The following KDM7A variants were observed in gnomAD, a reference collection of about 807,000 sequenced individuals.
The protein encoded by KDM7A is lysine demethylase 7A, also known as lysine-specific demethylase 7A.
A neutral mutation model predicts 114.8 loss-of-function variants in KDM7A; 28 were observed. That is an observed-to-expected ratio of 0.24 (90% CI 0.18 to 0.33). The LOEUF is 0.33. Among genes scored for constraint, KDM7A ranks in the 10% least tolerant of loss-of-function variants. The pLI is 1.00. For synonymous variants in KDM7A, 423 were observed against 397.8 expected (o/e 1.06, Z -0.75); for missense variants, 942 against 1,142.5 (o/e 0.82, Z 2.53).
At chr7:140,118,250 A>T (rs1213935907) in intron 9 of KDM7A, among the ~76,000 whole-genome samples, 13 of 152,246 alleles carry the variant, frequency 8.5e-5, no homozygotes, top group Admixed American at 7.9e-4. Context: ...AAAAGCAGAA[A>T]ACAGAAGCAA....
chr7:140,144,813 C>T (rs1214520255), intron 1 of KDM7A, among the ~76,000 whole-genome samples: 1 of 151,966 alleles, frequency 6.6e-6, no homozygotes, highest in Non-Finnish European at 1.5e-5. Flanking sequence ...GGGGCAGATC[C>T]CTCAGGAATG....
chr7:140,104,882 G>A (rs1585141585), intron 11 of KDM7A, among the ~76,000 whole-genome samples: 3 of 152,290 alleles, frequency 2.0e-5, no homozygotes, highest in African/African-American at 7.2e-5. Flanking sequence ...ATTACTTTGG[G>A]CAGTATGGCC....
intron 3 of KDM7A, among the ~76,000 whole-genome samples, chr7:140,130,472 T>C (rs1818767317): frequency 1.3e-5 from 2 of 151,612 alleles, no homozygotes; most frequent in South Asian, 4.2e-4. Flanking sequence ...AATACAAAAA[T>C]TAGCTGGGTG....
intron 7 of KDM7A, among the ~76,000 whole-genome samples, chr7:140,124,014 G>A (rs1017085705): frequency 6.6e-5 from 10 of 150,928 alleles, no homozygotes; most frequent in African/African-American, 2.4e-4. Flanking sequence ...AGCTTGCAGT[G>A]AGCCGACATC....
At chr7:140,103,256 A>G (rs767201486) in intron 11 of KDM7A, among the ~76,000 whole-genome samples, 2 of 152,132 alleles carry the variant, frequency 1.3e-5, no homozygotes, top group Non-Finnish European at 2.9e-5. Flanking sequence ...TATTTCACTT[A>G]GCAAAATATC....
At chr7:140,133,157 G>A (rs901400803) in intron 3 of KDM7A, among the ~76,000 whole-genome samples, 3 of 152,136 alleles carry the variant, frequency 2.0e-5, no homozygotes, top group African/African-American at 7.2e-5. Flanking sequence ...GCAGAGTTGG[G>A]AAAACAAGAG....
intron 3 of KDM7A, among the ~76,000 whole-genome samples, chr7:140,131,890 T>C (rs1311850109): frequency 1.3e-5 from 2 of 152,204 alleles, no homozygotes; most frequent in East Asian, 1.9e-4. Flanking sequence ...TATAGATTAC[T>C]ACATACCTCA....
chr7:140,120,692 T>C (rs1818606040), intron 7 of KDM7A, among the ~76,000 whole-genome samples, 163 bp from the exon 8 acceptor site: 2 of 152,270 alleles, frequency 1.3e-5, no homozygotes, highest in African/African-American at 4.8e-5. Context: ...TAATTATTTA[T>C]TAAATGCCTA....
chr7:140,108,465 G>A (rs1418811195), intron 11 of KDM7A, among the ~76,000 whole-genome samples: 2 of 152,134 alleles, frequency 1.3e-5, no homozygotes, highest in East Asian at 3.9e-4. Flanking sequence ...GGGTTTTGGT[G>A]TGGATGTCCT....
chr7:140,103,461 C>CG (rs1818270194), intron 11 of KDM7A, among the ~76,000 whole-genome samples: 1 of 151,824 alleles, frequency 6.6e-6, no homozygotes. Context: ...ATCCCTCCCC[C>CG]CCCCTCCAAC....
intron 11 of KDM7A, among the ~76,000 whole-genome samples, chr7:140,104,642 A>G (rs1416619092): frequency 3.3e-5 from 5 of 152,052 alleles, no homozygotes; most frequent in African/African-American, 9.7e-5. Context: ...GTTCTGTTCC[A>G]TTGGTCTGTA....
chr7:140,147,476 A>C (rs1242859764), intron 1 of KDM7A, among the ~76,000 whole-genome samples: 1 of 152,194 alleles, frequency 6.6e-6, no homozygotes, highest in African/African-American at 2.4e-5. Context: ...AGGCTGTGGT[A>C]ATGAGATTTA....
chr7:140,104,820 T>C (rs1818300380), intron 11 of KDM7A, among the ~76,000 whole-genome samples: 1 of 152,242 alleles, frequency 6.6e-6, no homozygotes, highest in South Asian at 2.1e-4. Context: ...TTTTTTCCAA[T>C]TCTGTGAAGA....
chr7:140,117,135 C>T lies in KDM7A; in HGVS notation c.1246+1978G>A, dbSNP rs112864278. ...GCCTTGATGAGACTGGATTGAATCA[C>T]TATGATTGCCAGGTATTCTACACTG... On this transcript the variant is annotated intron_variant, in intron 9 of 19. Coordinates refer to ENST00000397560, the MANE Select transcript of KDM7A (RefSeq NM_030647.2). Among the ~76,000 whole-genome samples the T allele has an allele frequency of 4.7e-3, 721 of 152,290 alleles. 12 individuals carry two copies. The highest frequency in any genetic ancestry group is 0.016 in the African/African-American group (665 of 41,562).
intron 9 of KDM7A, among the ~76,000 whole-genome samples, chr7:140,118,350 G>C (rs1170082169): frequency 1.3e-5 from 2 of 151,974 alleles, no homozygotes; most frequent in South Asian, 2.1e-4. Context: ...TTATAAAGTA[G>C]CTTTTGGGTT....
chr7:140,161,409 CA>C (rs1229406593), intron 1 of KDM7A, among the ~76,000 whole-genome samples: 4 of 152,230 alleles, frequency 2.6e-5, no homozygotes, highest in African/African-American at 9.6e-5. Context: ...AAAATGCTAC[CA>C]AAACTGTTTC....
chr7:140,116,056 G>A (rs1818524395), intron 9 of KDM7A, among the ~76,000 whole-genome samples: 1 of 152,120 alleles, frequency 6.6e-6, no homozygotes. Context: ...AGAGCTTTGG[G>A]AACTCTCTTG....
rs773753536 is a variant in KDM7A, at chr7:140,119,232, G to A, written c.1140-13C>T. On this transcript the variant is annotated splice_polypyrimidine_tract_variant and intron_variant, in intron 8 of 19. Coordinates refer to ENST00000397560, the MANE Select transcript of KDM7A (RefSeq NM_030647.2). ...CATCTCATAACACCTAAATGAGTTT[G>A]AAGAAATTTTTAATATTAATATTAG... The A allele has an allele frequency of 1.2e-5, 17 of 1,435,118 alleles. No individual in the cohort carries two copies. The East Asian group carries it at 3.4e-4, about 29-fold the overall frequency. The allele number at this position is 1,435,118 out of a possible 1,614,324, so 88.9% of individuals were successfully genotyped here.
rs1487836636 is a variant in KDM7A at position 140,126,753 on chromosome 7, C to A, written c.772G>T (p.Asp258Tyr). ...LSWVENYWPDDSVFPKPFVQK... is the reference protein window; with the variant it reads ...LSWVENYWPDYSVFPKPFVQK... ...ACAAATGGCTTGGGAAAGACTGAATCATCTGGCCAATAATTTTCCACCCAG... is the reference window on the plus strand; with the variant it reads ...ACAAATGGCTTGGGAAAGACTGAATAATCTGGCCAATAATTTTCCACCCAG... The change falls in exon 6 of 20, where the codon GAT becomes TAT. Residue 258 changes from aspartate to tyrosine, a missense_variant. Physicochemically the swap from Asp to Tyr is radical, Grantham distance 160. Transcript: ENST00000397560. The A allele has an allele frequency of 1.2e-6, 2 of 1,613,952 alleles. No homozygotes were observed. The highest frequency in any genetic ancestry group is 1.7e-6 in the Non-Finnish European group (2 of 1,179,960).
Sources: gnomAD v4.1 joint callset for allele counts (sites outside exome capture counted in the v4.1 genomes callset) on GRCh38, gnomAD v4.1.1 for gene constraint, MANE v1.5 for transcripts, NCBI Gene and HGNC (gene_info 2026-07-23, HGNC 2026-07-21) for gene names.